Variants in PDE1C observed in about 807,000 individuals in gnomAD.
The protein encoded by PDE1C is dual specificity calcium/calmodulin-dependent 3',5'-cyclic nucleotide phosphodiesterase 1C.
In PDE1C, 62 loss-of-function variants were observed where a neutral mutation model predicts 93.1. That is an observed-to-expected ratio of 0.67 (90% confidence interval 0.54 to 0.82). The LOEUF is 0.82. Ranked by LOEUF, PDE1C falls within the 40% of genes least tolerant of loss-of-function variation. The pLI is 0.00. For missense variants in PDE1C, 742 were observed against 884.6 expected (o/e 0.84, Z 2.04); for synonymous variants, 325 against 310.1 (o/e 1.05, Z -0.50).
the PDE1C span, among the ~76,000 whole-genome samples, chr7:31,621,669 C>T: frequency 6.8e-6 from 1 of 147,380 alleles, no homozygotes; most frequent in Non-Finnish European, 1.5e-5. Flanking sequence ...AATGTAAAGA[C>T]CATCGAGACT....
chr7:32,011,897 A>G (rs567429699), intron 2 of PDE1C, among the ~76,000 whole-genome samples: 142 of 152,332 alleles, frequency 9.3e-4, no homozygotes, highest in African/African-American at 2.8e-3. Flanking sequence ...AACTATATTC[A>G]TAACAGCCCC....
intron 11 of PDE1C, among the ~76,000 whole-genome samples, chr7:31,833,968 G>T (rs1790755175): frequency 6.6e-6 from 1 of 152,190 alleles, no homozygotes; most frequent in Non-Finnish European, 1.5e-5. Flanking sequence ...CTGGGCCCAG[G>T]GTCCCCCTGC....
At chr7:31,988,995 C>CA (rs36081234) in intron 2 of PDE1C, among the ~76,000 whole-genome samples, 10,341 of 34,038 alleles carry the variant, frequency 0.3, 1,901 homozygotes, top group African/African-American at 0.33. Context: ...AACTTCTTCT[C>CA]AAAAAAAAAA....
chr7:31,691,656 T>C, the PDE1C span, among the ~76,000 whole-genome samples: 7 of 151,920 alleles, frequency 4.6e-5, no homozygotes, highest in African/African-American at 1.7e-4. Context: ...GACAGATTTG[T>C]TCTCATGTCT....
intron 3 of PDE1C, among the ~76,000 whole-genome samples, chr7:32,090,056 CAAA>C (rs1173284154): frequency 6.6e-6 from 1 of 151,966 alleles, no homozygotes; most frequent in Admixed American, 6.6e-5. Flanking sequence ...TGCAAGAAAT[CAAA>C]AGAAAATGTT....
rs756476017 is a variant in PDE1C at position 32,267,584 on chromosome 7, A to ACTCT, written c.85+31066_85+31067insAGAG. ...CTTTCTCTCTCTCTCACACACACAC[A>ACTCT]CACTCTCTCTCTCTCTCTCTCTCTC... On this transcript the variant is annotated intron_variant, in intron 1 of 18. Coordinates refer to the PDE1C transcript ENST00000396193. Among the ~76,000 whole-genome samples, 656 of 113,070 alleles carry ACTCT rather than the reference A, an allele frequency of 5.8e-3. 3 individuals are homozygous for ACTCT. The highest frequency in any genetic ancestry group is 9.0e-3 in the Middle Eastern group (2 of 222). 74.2% of individuals were successfully genotyped at this position (113,070 alleles called of 152,430 possible).
intron 1 of PDE1C, among the ~76,000 whole-genome samples, chr7:32,361,751 C>A (rs769993989): frequency 2.6e-5 from 4 of 152,194 alleles, no homozygotes; most frequent in Admixed American, 6.5e-5. Flanking sequence ...CTTTCTCATA[C>A]CAGTGACCAC....
chr7:31,661,821 A>G, the PDE1C span, among the ~76,000 whole-genome samples: 1 of 152,094 alleles, frequency 6.6e-6, no homozygotes, highest in Non-Finnish European at 1.5e-5. Flanking sequence ...TACTTCATTA[A>G]TTTATTTCCC....
intron 2 of PDE1C, among the ~76,000 whole-genome samples, chr7:31,982,479 A>G (rs993955251): frequency 2.6e-5 from 4 of 152,204 alleles, no homozygotes; most frequent in Admixed American, 6.5e-5. Flanking sequence ...GGTAAATCCA[A>G]TTTACACAAG....
chr7:31,839,455 CTTTCTT>C (rs2128771049), intron 9 of PDE1C, among the ~76,000 whole-genome samples: 1 of 142,818 alleles, frequency 7.0e-6, no homozygotes, highest in South Asian at 2.2e-4. Context: ...AAAATGTACT[CTTTCTT>C]TACTCAGCAT....
intron 1 of PDE1C, among the ~76,000 whole-genome samples, chr7:32,337,254 T>C (rs538917167): frequency 2.0e-5 from 3 of 152,240 alleles, no homozygotes; most frequent in African/African-American, 7.2e-5. Context: ...AGACACTATG[T>C]TGAGCCCTCG....
chr7:32,093,700 G>A (rs938131390), intron 3 of PDE1C, among the ~76,000 whole-genome samples: 9 of 152,212 alleles, frequency 5.9e-5, no homozygotes, highest in Admixed American at 2.0e-4. Flanking sequence ...AGTCTCATTG[G>A]CATGGTTCAA....
At chr7:32,042,521 C>T (rs1384192800) in intron 2 of PDE1C, among the ~76,000 whole-genome samples, 2 of 152,144 alleles carry the variant, frequency 1.3e-5, no homozygotes, top group Non-Finnish European at 2.9e-5. Context: ...GCATGTAAAG[C>T]ACCTGGCACA....
At chr7:32,164,513 A>G (rs1312020225) in intron 3 of PDE1C, among the ~76,000 whole-genome samples, 1 of 152,172 alleles carries the variant, frequency 6.6e-6, no homozygotes, top group African/African-American at 2.4e-5. Flanking sequence ...CTGTAGAGCT[A>G]GGTAGACTTG....
chr7:31,679,402 G>T, the PDE1C span, among the ~76,000 whole-genome samples: 2 of 152,132 alleles, frequency 1.3e-5, no homozygotes, highest in Non-Finnish European at 2.9e-5. Context: ...ATTTGCTTTC[G>T]CATATTCCTA....
chr7:32,009,200 C>A (rs902060267), intron 2 of PDE1C, among the ~76,000 whole-genome samples: 33 of 152,292 alleles, frequency 2.2e-4, no homozygotes, highest in African/African-American at 7.9e-4. Context: ...GACAGGGAGC[C>A]CTGTGGTTGC....
chr7:32,259,921 G>A (rs1308094040), intron 1 of PDE1C, among the ~76,000 whole-genome samples: 6 of 152,086 alleles, frequency 3.9e-5, no homozygotes, highest in Admixed American at 2.6e-4. Context: ...GTAAACACCC[G>A]GCACAAACCT....
At chr7:31,857,630 G>A (rs1043496183) in intron 7 of PDE1C, among the ~76,000 whole-genome samples, 13 of 151,910 alleles carry the variant, frequency 8.6e-5, no homozygotes, top group Non-Finnish European at 1.5e-4. Flanking sequence ...AGTCTCTCTG[G>A]ACAGACCACA....
rs1034993207 is a variant in PDE1C, at chr7:32,329,460, A to C, written c.310+98362T>G. Among the ~76,000 whole-genome samples the C allele has an allele frequency of 2.0e-5, 3 of 152,288 alleles. No individual in the cohort carries two copies. In the East Asian group the frequency reaches 5.8e-4, roughly 29 times the overall value. On this transcript the variant is annotated intron_variant, in intron 1 of 1. Transcript: ENST00000672256. ...TCAATTGCCGATGAGCTTTTAATCCAGTGCAGGTGACCTTGAGGTGCCTCA... is the reference window on the plus strand; with the variant it reads ...TCAATTGCCGATGAGCTTTTAATCCCGTGCAGGTGACCTTGAGGTGCCTCA...
Sources: gnomAD v4.1 joint callset for allele counts (sites outside exome capture counted in the v4.1 genomes callset) on GRCh38, gnomAD v4.1.1 for gene constraint, MANE v1.5 for transcripts, NCBI Gene and HGNC (gene_info 2026-07-23, HGNC 2026-07-21) for gene names.